Variants in SLC22A24 observed in about 807,000 individuals in gnomAD.
SLC22A24 encodes steroid transmembrane transporter SLC22A24.
Under a neutral mutation model 49.8 loss-of-function variants are expected in SLC22A24, and 53 were observed. The ratio of observed to expected loss-of-function variants is 1.06; its 90% CI spans 0.85 to 1.34. SLC22A24 has a LOEUF of 1.34. SLC22A24 is among the 40% of genes most tolerant of loss of function. SLC22A24 has a pLI of 0.00. For missense variants in SLC22A24, 786 were observed against 675.9 expected (o/e 1.16, Z -1.81); for synonymous variants, 302 against 256.4 (o/e 1.18, Z -1.70).
chr11:63,123,846 A>G (rs2087269478), intron 2 of SLC22A24, among the ~76,000 whole-genome samples: 1 of 152,200 alleles, frequency 6.6e-6, no homozygotes, highest in Admixed American at 6.5e-5. Flanking sequence ...TTACATTCTT[A>G]TGATCTTTCC....
chr11:63,124,481 A>T (rs185436855), intron 2 of SLC22A24, among the ~76,000 whole-genome samples: 39 of 152,330 alleles, frequency 2.6e-4, no homozygotes. Context: ...GTTATTTGTT[A>T]GAAATGCAGA....
intron 2 of SLC22A24, among the ~76,000 whole-genome samples, chr11:63,125,670 C>A (rs536373295): frequency 1.3e-5 from 2 of 152,108 alleles, no homozygotes; most frequent in African/African-American, 2.4e-5. Flanking sequence ...TGGGTATATA[C>A]CCAGTAGTAG....
At chr11:63,113,892 C>T (rs1278190461) in intron 4 of SLC22A24, among the ~76,000 whole-genome samples, 5 of 151,828 alleles carry the variant, frequency 3.3e-5, no homozygotes, top group Non-Finnish European at 7.4e-5. Context: ...ATATGGGCCC[C>T]CTCTCTCTTC....
intron 2 of SLC22A24, among the ~76,000 whole-genome samples, chr11:63,133,028 C>A (rs1164310979): frequency 5.3e-5 from 8 of 152,160 alleles, no homozygotes; most frequent in Admixed American, 4.6e-4. Flanking sequence ...TGGTGGATGC[C>A]CCTCCCCCTG....
chr11:63,090,699 T>C (rs934976475), intron 6 of SLC22A24, among the ~76,000 whole-genome samples: 5 of 32,386 alleles, frequency 1.5e-4, no homozygotes, highest in Admixed American at 3.3e-4. Flanking sequence ...ATAATAGCTA[T>C]CTTAAAAAAA....
chr11:63,097,830 A>G (rs2087064954), intron 5 of SLC22A24, among the ~76,000 whole-genome samples: 1 of 152,180 alleles, frequency 6.6e-6, no homozygotes, highest in South Asian at 2.1e-4. Flanking sequence ...CAGAAATCCA[A>G]ACACCATGAG....
In SLC22A24 at chr11:63,143,502, T is replaced by A; in HGVS notation, c.278A>T (p.His93Leu). ...LRPQKCQRFI[H>L]PQWQLLHLNG... ...CAGGTGAAGGAGCTGCCACTGGGGA[T>A]GGATAAAGCGCTGACACTTCTGTGG... is the stretch of plus-strand genomic sequence containing the variant. Residue 93 changes from histidine to leucine, a missense_variant, in exon 1 of 10, where the codon CAT becomes CTT. By Grantham distance (99) the His-to-Leu change is moderately conservative (BLOSUM62 -3). Coordinates refer to ENST00000612278, the MANE Select transcript of SLC22A24 (RefSeq NM_001136506.2). 6.2e-7 allele frequency: 1 copy of A among 1,601,006 alleles called. No homozygotes were observed. Among genetic ancestry groups the A allele is most frequent in the Non-Finnish European group, 8.5e-7 (1 of 1,174,034 alleles).
intron 2 of SLC22A24, among the ~76,000 whole-genome samples, chr11:63,129,191 T>C (rs965898971): frequency 6.6e-6 from 1 of 152,222 alleles, no homozygotes; most frequent in Non-Finnish European, 1.5e-5. Context: ...GCTTTCTACG[T>C]ATGGCTAGCC....
rs1331024768 is a variant in SLC22A24 at position 63,143,590 on chromosome 11, TATC to T, written c.187_189del (p.Asp63del). The T allele has an allele frequency of 6.4e-7, 1 of 1,571,928 alleles. No individual in the cohort carries two copies. Among genetic ancestry groups the T allele is most frequent in the South Asian group, 1.2e-5 (1 of 83,424 alleles). On this transcript the variant is annotated inframe_deletion, in exon 1 of 10. Coordinates refer to ENST00000612278, the MANE Select transcript of SLC22A24 (RefSeq NM_001136506.2). ...AGGTCATCCTTGCTGAGGGTCCCGG[TATC>T]ATTGTCAGACACAGTGTCATTGTCC...
chr11:63,099,747 C>T (rs1209468096), intron 5 of SLC22A24, among the ~76,000 whole-genome samples: 1 of 151,870 alleles, frequency 6.6e-6, no homozygotes, highest in Non-Finnish European at 1.5e-5. Flanking sequence ...GAATTTATGA[C>T]CAGGAATGCA....
At chr11:63,134,889 C>T (rs2087362846) in intron 1 of SLC22A24, 121 bp from the exon 2 acceptor site, 1 of 609,560 alleles carries the variant, frequency 1.6e-6, no homozygotes, top group African/African-American at 1.9e-5. Context: ...TCCTGCCTCC[C>T]TCTCCAGCTT....
At chr11:63,092,294 A>G in intron 6 of SLC22A24, among the ~76,000 whole-genome samples, 1 of 151,580 alleles carries the variant, frequency 6.6e-6, no homozygotes, top group Non-Finnish European at 1.5e-5. Flanking sequence ...CATGGATGGG[A>G]ATAATCAATA....
chr11:63,097,898 A>G (rs1485434448), intron 5 of SLC22A24, among the ~76,000 whole-genome samples: 1 of 152,098 alleles, frequency 6.6e-6, no homozygotes. Context: ...GGAGGGGAGC[A>G]TCACACACCA....
In SLC22A24 at chr11:63,105,193, C is replaced by G. The variant is rs570252209; in HGVS notation, c.831-895G>C. Among the ~76,000 whole-genome samples the G allele has an allele frequency of 4.1e-4, 62 of 152,344 alleles. No individual in the cohort carries two copies. The South Asian group carries it at 4.3e-3, about 11-fold the overall frequency. ...CTGTGGCTTGGACAGGGTACAGCCC[C>G]TCTACTGGATGCTTTTGCAGTCTGG... On this transcript the variant is annotated intron_variant, in intron 4 of 9. Transcript: ENST00000612278.
chr11:63,122,188 T>A (rs1335209726), intron 2 of SLC22A24, among the ~76,000 whole-genome samples: 1 of 152,192 alleles, frequency 6.6e-6, no homozygotes, highest in Non-Finnish European at 1.5e-5. Flanking sequence ...TTCAATGTAG[T>A]TACCATGGGG....
At position 63,087,978 on chromosome 11, in the gene SLC22A24, G is replaced by A. The variant is rs372655757; in HGVS notation, c.1071-4521C>T. On this transcript the variant is annotated intron_variant, in intron 6 of 9. Coordinates refer to ENST00000612278, the MANE Select transcript of SLC22A24 (RefSeq NM_001136506.2). ...CCTGGGGGAAGGAGTGGCTGTGGGC[G>A]CAGCTTCAGCAAATTTAGTCATTCC... Among the ~76,000 whole-genome samples the A allele has an allele frequency of 3.6e-4, 55 of 152,270 alleles. No homozygotes were observed. The South Asian group carries it at 9.7e-3, about 27-fold the overall frequency.
At chr11:63,083,109 CT>C in intron 7 of SLC22A24, 133 bp downstream of exon 7, 1 of 708,194 alleles carries the variant, frequency 1.4e-6, no homozygotes, top group Non-Finnish European at 2.4e-6. Flanking sequence ...GTTCCAAACC[CT>C]CATATTAACT....
intron 2 of SLC22A24, among the ~76,000 whole-genome samples, chr11:63,128,204 T>G (rs1002643967): frequency 6.6e-6 from 1 of 151,966 alleles, no homozygotes; most frequent in Non-Finnish European, 1.5e-5. Flanking sequence ...CATAGAGAGA[T>G]AGGAGCTGAA....
Position 63,083,476 on chromosome 11 carries a change from A to G in SLC22A24, c.1071-19T>C. Reference sequence around the variant, plus strand: ...TGCGAATCTGAAGTGAATAAAAAGGACAAAGACATATTCAATAAGATTTAA... The same window carrying G: ...TGCGAATCTGAAGTGAATAAAAAGGGCAAAGACATATTCAATAAGATTTAA... On this transcript the variant is annotated intron_variant, in intron 6 of 9. Coordinates refer to ENST00000612278, the MANE Select transcript of SLC22A24 (RefSeq NM_001136506.2). 1 of 1,524,860 alleles carries G rather than the reference A, an allele frequency of 6.6e-7. No individual in the cohort carries two copies. Among genetic ancestry groups the G allele is most frequent in the Admixed American group, 2.0e-5 (1 of 50,696 alleles). 94.5% of individuals were successfully genotyped at this position (1,524,860 alleles called of 1,614,324 possible).
Sources: gnomAD v4.1 joint callset for allele counts (sites outside exome capture counted in the v4.1 genomes callset) on GRCh38, gnomAD v4.1.1 for gene constraint, MANE v1.5 for transcripts, NCBI Gene and HGNC (gene_info 2026-07-23, HGNC 2026-07-21) for gene names.